The following OR4F5 variants were observed in gnomAD, a reference collection of about 807,000 sequenced individuals.
OR4F5 encodes the protein olfactory receptor 4F5.
OR4F5 carries 1 observed loss-of-function variant against 5.8 expected under a neutral mutation model. The observed-to-expected ratio is 0.17, with a 90% CI of 0.06 to 0.82. The LOEUF is 0.82. Among genes scored for constraint, OR4F5 ranks in the 40% least tolerant of loss-of-function variants. The pLI is 0.72. For missense variants in OR4F5, 47 were observed against 175.5 expected, an observed-to-expected ratio of 0.27 and a Z score of 4.14; for synonymous variants, 18 against 63.7, an observed-to-expected ratio of 0.28 and a Z score of 3.42.
At chr1:66,430 TA>T (rs1639944590) in intron 2 of OR4F5, among the ~76,000 whole-genome samples, 1 of 63,830 alleles carries the variant, frequency 1.6e-5, no homozygotes, top group African/African-American at 5.1e-5. Flanking sequence ...ATTATATAAA[TA>T]TATATTATAT....
At chr1:66,141 C>A (rs1482907462) in intron 2 of OR4F5, among the ~76,000 whole-genome samples, 1 of 104,984 alleles carries the variant, frequency 9.5e-6, no homozygotes, top group Non-Finnish European at 2.1e-5. Context: ...CTGAGACTTA[C>A]TATAAGGACA....
chr1:69,441 A>G lies in OR4F5; in HGVS notation c.414A>G (p.Ile138Met), dbSNP rs1166384343. ...TAGCCATGGGCTTTGACAGATATAT[A>G]GCAATATGCAAGCCCCTACACTACA... ...ILIAMGFDRY[I>M]AICKPLHYTT... Residue 138 changes from isoleucine to methionine, a missense_variant, in exon 3 of 3, where the codon ATA (isoleucine) becomes ATG (methionine). Physicochemically the swap from Ile to Met is conservative, Grantham distance 10. Coordinates refer to ENST00000641515, the MANE Select transcript of OR4F5 (RefSeq NM_001005484.2). 9.7e-7 allele frequency: 1 copy of G among 1,029,184 alleles called. No homozygotes were observed. The highest frequency in any genetic ancestry group is 1.3e-6 in the Non-Finnish European group (1 of 743,016). 63.8% of individuals were successfully genotyped at this position (1,029,184 alleles called of 1,614,324 possible).
chr1:67,242 A>C (rs77818189), intron 2 of OR4F5, among the ~76,000 whole-genome samples: 3,185 of 104,778 alleles, frequency 0.03, 82 homozygotes, highest in Middle Eastern at 0.067. Flanking sequence ...CAGAAGAGAA[A>C]TGAAGTGAAT....
intron 2 of OR4F5, among the ~76,000 whole-genome samples, chr1:66,572 G>A (rs1557435899): frequency 1.5e-4 from 8 of 53,074 alleles, no homozygotes; most frequent in Non-Finnish European, 2.4e-4. Flanking sequence ...TATAAAATAT[G>A]TATAATATAT....
intron 2 of OR4F5, among the ~76,000 whole-genome samples, chr1:66,099 G>C (rs1343268373): frequency 7.8e-5 from 9 of 114,682 alleles, no homozygotes; most frequent in Admixed American, 3.1e-4. Context: ...CTGTGAATTT[G>C]TGCCAGAACC....
chr1:66,365 A>T (rs1570408412), intron 2 of OR4F5, among the ~76,000 whole-genome samples: 1 of 11,464 alleles, frequency 8.7e-5, no homozygotes. Flanking sequence ...ATATTATATA[A>T]ATATAATATA....
rs560213228 is a variant in OR4F5, at chr1:66,849, G to A, written c.9+1276G>A. 3.6e-4 allele frequency among the ~76,000 whole-genome samples: 39 copies of A among 106,900 alleles called. 1 individual carries two copies. The highest frequency in any genetic ancestry group is 9.7e-4 in the African/African-American group (35 of 36,216). 70.1% of individuals were successfully genotyped at this position (106,900 alleles called of 152,430 possible). ...AAATGAGCTTTGAAAGAATTATGGT[G>A]GTGAAGGATCCCCTCAGCAGCACAA... On this transcript the variant is annotated intron_variant, in intron 2 of 2. Coordinates refer to ENST00000641515, the MANE Select transcript of OR4F5 (RefSeq NM_001005484.2).
intron 2 of OR4F5, among the ~76,000 whole-genome samples, chr1:66,429 ATATATAT>A (rs1249830262): frequency 1.6e-5 from 1 of 64,360 alleles, no homozygotes; most frequent in African/African-American, 5.0e-5. Context: ...TATTATATAA[ATATATAT>A]TATATTATAT....
chr1:66,196 A>G (rs1570408093), intron 2 of OR4F5, among the ~76,000 whole-genome samples: 2 of 87,670 alleles, frequency 2.3e-5, no homozygotes, highest in African/African-American at 7.0e-5. Context: ...ATATATTTAT[A>G]TATATTACAT....
chr1:66,803 G>T (rs1419381691), intron 2 of OR4F5, among the ~76,000 whole-genome samples: 4 of 108,190 alleles, frequency 3.7e-5, no homozygotes, highest in Non-Finnish European at 6.7e-5. Flanking sequence ...AATTTTTTTT[G>T]AATAATTTTT....
At chr1:66,352 TA>T (rs1557435459) in intron 2 of OR4F5, among the ~76,000 whole-genome samples, 1,964 of 44,320 alleles carry the variant, frequency 0.044, 138 homozygotes, top group Non-Finnish European at 0.093. Context: ...TATAATATAA[TA>T]TATATTATAT....
At chr1:66,410 A>AAT (rs1323632756) in intron 2 of OR4F5, among the ~76,000 whole-genome samples, 1 of 82,940 alleles carries the variant, frequency 1.2e-5, no homozygotes. Context: ...TATATAATAT[A>AAT]ATATATTTTA....
rs1639940978 is a variant in OR4F5 at position 66,356 on chromosome 1, TATTATATAAATATAATATATAA to T, written c.9+793_9+814del. On this transcript the variant is annotated intron_variant, in intron 2 of 2. Coordinates refer to ENST00000641515, the MANE Select transcript of OR4F5 (RefSeq NM_001005484.2). ...ATATTTTATTATATAATATAATATA[TATTATATAAATATAATATATAA>T]ATTATATAATATAATATATATTATA... 2.3e-4 allele frequency among the ~76,000 whole-genome samples: 8 copies of T among 34,054 alleles called. No homozygotes were observed. In the South Asian group the frequency reaches 4.7e-3, roughly 20 times the overall value. The allele number at this position is 34,054 out of a possible 152,430, so 22.3% of individuals were successfully genotyped here.
chr1:66,303 TATAATATAAATTATATAAATATA>T (rs1270348852), intron 2 of OR4F5, among the ~76,000 whole-genome samples: 15 of 40,304 alleles, frequency 3.7e-4, no homozygotes, highest in African/African-American at 1.2e-3. Flanking sequence ...ATAATATAAA[TATAATATAAATTATATAAATATA>T]ATATATATTT....
At chr1:65,922 T>C (rs2100332954) in intron 2 of OR4F5, among the ~76,000 whole-genome samples, 1 of 110,752 alleles carries the variant, frequency 9.0e-6, no homozygotes, top group Non-Finnish European at 2.1e-5. Flanking sequence ...CCTTCCCTCC[T>C]TTTTATAATA....
chr1:70,519 A>G lies in OR4F5; in HGVS notation c.*511A>G, dbSNP rs1639989520. On this transcript the variant is annotated 3_prime_UTR_variant, in exon 3 of 3. Transcript: ENST00000641515. The stretch of plus-strand genomic sequence containing the variant: ...TTATACTTCACCTCCCACCACTATA[A>G]CAACCCAGAATCCATGAGGGCATTA... 1.0e-5 allele frequency: 1 copy of G among 99,040 alleles called. No individual in the cohort carries two copies. The highest frequency in any genetic ancestry group is 2.1e-4 in the East Asian group (1 of 4,694). The allele number at this position is 99,040 out of a possible 1,614,324, so 6.1% of individuals were successfully genotyped here. A position where few individuals can be genotyped will look rare whatever the true frequency, so the allele number is the denominator to read the frequency against.
chr1:67,181 A>G (rs28503582), intron 2 of OR4F5, among the ~76,000 whole-genome samples: 7,601 of 117,134 alleles, frequency 0.065, 525 homozygotes, highest in African/African-American at 0.2. Context: ...TAAAAATCCT[A>G]TCGTTTGTAC....
At chr1:66,127 C>T (rs1255533128) in intron 2 of OR4F5, among the ~76,000 whole-genome samples, 1 of 110,094 alleles carries the variant, frequency 9.1e-6, no homozygotes, top group Non-Finnish European at 2.0e-5. Context: ...CTACTCCCAT[C>T]TCACTGAGAC....
chr1:66,853 A>G (rs1390411522), intron 2 of OR4F5, among the ~76,000 whole-genome samples: 1 of 107,024 alleles, frequency 9.3e-6, no homozygotes, highest in African/African-American at 2.8e-5. Context: ...TATGGTGGTG[A>G]AGGATCCCCT....
Sources: allele counts gnomAD v4.1 joint callset (sites outside exome capture counted in the v4.1 genomes callset), GRCh38; gene constraint gnomAD v4.1.1; transcripts MANE v1.5; gene names NCBI Gene and HGNC (gene_info 2026-07-23, HGNC 2026-07-21).